Variants in TNNI3K observed in about 807,000 individuals in gnomAD.
TNNI3K encodes TNNI3 interacting kinase, also known as serine/threonine-protein kinase TNNI3K.
Under a neutral mutation model 114.5 loss-of-function variants are expected in TNNI3K, and 140 were observed. The observed-to-expected ratio is 1.22, with a 90% CI of 1.07 to 1.41. The LOEUF (loss-of-function observed/expected upper bound fraction) is 1.41. Ranked by LOEUF, TNNI3K falls within the 40% of genes most tolerant of loss-of-function variation. TNNI3K has a pLI of 0.00. For missense variants in TNNI3K, 1,125 were observed against 1,007.6 expected (o/e 1.12, Z -1.58); for synonymous variants, 347 against 347.5 (o/e 1.00, Z 0.02).
intron 23 of TNNI3K, among the ~76,000 whole-genome samples, chr1:74,507,340 C>A (rs968830034): frequency 6.6e-6 from 1 of 151,652 alleles, no homozygotes; most frequent in East Asian, 2.0e-4. Flanking sequence ...AGTTACCCAT[C>A]ATGTTTGCTG....
chr1:74,466,388 AT>A (rs1396914907), intron 21 of TNNI3K, among the ~76,000 whole-genome samples: 4 of 152,178 alleles, frequency 2.6e-5, no homozygotes, highest in Non-Finnish European at 5.9e-5. Context: ...TTCTAAAAGC[AT>A]TTTTTGGGTA....
intron 23 of TNNI3K, among the ~76,000 whole-genome samples, chr1:74,498,963 G>A (rs1229740995): frequency 6.6e-6 from 1 of 152,094 alleles, no homozygotes; most frequent in Non-Finnish European, 1.5e-5. Context: ...TGAAATAAAA[G>A]CAAAACATAA....
intron 21 of TNNI3K, chr1:74,464,732 T>G (rs760307404): frequency 1.3e-6 from 2 of 1,579,810 alleles, no homozygotes; most frequent in African/African-American, 2.7e-5. Flanking sequence ...ATTGAGTATC[T>G]CAGAAGATAA....
At chr1:74,427,436 G>GA (rs1055291344) in intron 17 of TNNI3K, among the ~76,000 whole-genome samples, 33 of 151,490 alleles carry the variant, frequency 2.2e-4, no homozygotes, top group African/African-American at 7.3e-4. Context: ...TGCTTTATGG[G>GA]AAAAAAATCT....
chr1:74,427,033 T>G (rs60140025), intron 17 of TNNI3K, among the ~76,000 whole-genome samples: 11,538 of 152,200 alleles, frequency 0.076, 549 homozygotes, highest in African/African-American at 0.12. Context: ...TCTTTTCCTT[T>G]CAATTCTAAA....
At chr1:74,239,396 A>G (rs1654048933) in intron 2 of TNNI3K, among the ~76,000 whole-genome samples, 1 of 152,130 alleles carries the variant, frequency 6.6e-6, no homozygotes, top group Non-Finnish European at 1.5e-5. Context: ...ACTGTATGAA[A>G]TGACATTTAA....
Position 74,416,497 on chromosome 1 carries a change from T to G in TNNI3K, c.1773-19583T>G, listed in dbSNP as rs144844609. 4.2e-3 allele frequency: 4,097 copies of G among 982,616 alleles called. 13 individuals are homozygous for G. Among genetic ancestry groups the G allele is most frequent in the Non-Finnish European group, 4.7e-3 (3,855 of 827,444 alleles). 60.9% of individuals were successfully genotyped at this position (982,616 alleles called of 1,614,324 possible). Reference sequence around the variant, plus strand: ...CCAAAAGGTAGAGGCTTTACACTAGTAGGTGTGACAGTGGGAAGGTGGCTT... The same window carrying G: ...CCAAAAGGTAGAGGCTTTACACTAGGAGGTGTGACAGTGGGAAGGTGGCTT... On this transcript the variant is annotated intron_variant, in intron 17 of 24. Coordinates refer to ENST00000326637, the MANE Select transcript of TNNI3K (RefSeq NM_015978.3).
intron 23 of TNNI3K, among the ~76,000 whole-genome samples, chr1:74,534,304 C>T (rs867310070): frequency 2.0e-5 from 3 of 152,108 alleles, no homozygotes; most frequent in Admixed American, 6.6e-5. Flanking sequence ...AAGCCACGCT[C>T]AGAAGAATGT....
At chr1:74,488,789 A>G (rs1255760464) in intron 21 of TNNI3K, among the ~76,000 whole-genome samples, 1 of 152,236 alleles carries the variant, frequency 6.6e-6, no homozygotes, top group Non-Finnish European at 1.5e-5. Flanking sequence ...GAAGTTCATT[A>G]TAAATCTAGC....
At chr1:74,276,412 T>C (rs915162603) in intron 5 of TNNI3K, among the ~76,000 whole-genome samples, 1 of 152,110 alleles carries the variant, frequency 6.6e-6, no homozygotes, top group African/African-American at 2.4e-5. Context: ...AAAGAATTGC[T>C]CAGTGATATG....
At chr1:74,324,704 A>C (rs1659807880) in intron 5 of TNNI3K, among the ~76,000 whole-genome samples, 1 of 152,132 alleles carries the variant, frequency 6.6e-6, no homozygotes, top group Admixed American at 6.5e-5. Flanking sequence ...AGCAAGAGAG[A>C]GAAAGAGAGA....
intron 9 of TNNI3K, among the ~76,000 whole-genome samples, chr1:74,352,663 A>G (rs1176434555): frequency 2.0e-5 from 3 of 152,146 alleles, no homozygotes; most frequent in African/African-American, 7.2e-5. Context: ...AAGCCTGGGC[A>G]ATGGCAGGCG....
intron 11 of TNNI3K, among the ~76,000 whole-genome samples, chr1:74,358,523 G>C (rs1255587416): frequency 1.3e-5 from 2 of 151,984 alleles, no homozygotes; most frequent in Non-Finnish European, 2.9e-5. Flanking sequence ...AATGAGGGTG[G>C]GAGAGGAGTA....
chr1:74,511,741 A>G (rs953567), intron 23 of TNNI3K, among the ~76,000 whole-genome samples: 65,178 of 151,530 alleles, frequency 0.43, 14,527 homozygotes, highest in East Asian at 0.79. Context: ...TGTGAGCCTG[A>G]GAAGAGTCAA....
At chr1:74,368,273 G>C (rs986263549) in intron 13 of TNNI3K, among the ~76,000 whole-genome samples, 2 of 151,236 alleles carry the variant, frequency 1.3e-5, no homozygotes, top group Non-Finnish European at 3.0e-5. Flanking sequence ...AGGAGAATTG[G>C]GACTAGAAAA....
At position 74,370,292 on chromosome 1, in the gene TNNI3K, C is replaced by G; in HGVS notation, c.1672C>G (p.Leu558Val). The change falls in exon 17 of 25, where the codon CTT becomes GTT. Residue 558 changes from leucine (L) to valine (V), a missense_variant. Leu to Val is a conservative substitution (Grantham distance 32, BLOSUM62 1). Coordinates refer to ENST00000326637, the MANE Select transcript of TNNI3K (RefSeq NM_015978.3). Reference sequence around the variant, plus strand: ...AAATCTATTTTTAAATTCTAGGATTCTTGATTTGCAGTCTAAATTAATTAT... The same window carrying G: ...AAATCTATTTTTAAATTCTAGGATTGTTGATTTGCAGTCTAAATTAATTAT... ...FSLLHEQKRI[L>V]DLQSKLIIAV... The G allele has an allele frequency of 6.3e-7, 1 of 1,587,350 alleles. No individual in the cohort carries two copies. Among genetic ancestry groups the G allele is most frequent in the Admixed American group, 1.8e-5 (1 of 56,574 alleles).
chr1:74,398,430 G>A (rs972856668), intron 17 of TNNI3K, among the ~76,000 whole-genome samples: 2 of 152,326 alleles, frequency 1.3e-5, no homozygotes, highest in East Asian at 3.9e-4. Flanking sequence ...TGCTAAATAA[G>A]TGTGTGGGGG....
At chr1:74,373,451 C>T (rs1662717590) in intron 17 of TNNI3K, 1 of 151,872 alleles carries the variant, frequency 6.6e-6, no homozygotes, top group African/African-American at 2.4e-5. Flanking sequence ...CACTTATTTG[C>T]ATTTGTATTG....
In TNNI3K at chr1:74,538,429, C is replaced by G. The variant is rs147692871; in HGVS notation, c.2352-1805C>G. ...TCCAAAAACTCTTTTTTAAGCTTCT[C>G]TTATGTACCAGGCACTGTTCTGAGT... On this transcript the variant is annotated intron_variant, in intron 23 of 24. Coordinates refer to ENST00000326637, the MANE Select transcript of TNNI3K (RefSeq NM_015978.3). Among the ~76,000 whole-genome samples, 1,319 of 152,244 alleles carry G rather than the reference C, an allele frequency of 8.7e-3. 22 individuals are homozygous for G. The highest frequency in any genetic ancestry group is 0.029 in the African/African-American group (1,200 of 41,548).
Sources: allele counts gnomAD v4.1 joint callset (sites outside exome capture counted in the v4.1 genomes callset), GRCh38; gene constraint gnomAD v4.1.1; transcripts MANE v1.5; gene names NCBI Gene and HGNC (gene_info 2026-07-23, HGNC 2026-07-21).